SYT16: variants seen among roughly 807,000 people sequenced by gnomAD.
SYT16 encodes the protein synaptotagmin 16.
A neutral mutation model predicts 61.4 loss-of-function variants in SYT16; 42 were observed. The ratio of observed to expected loss-of-function variants is 0.68; its 90% CI spans 0.53 to 0.89. The LOEUF is 0.89. Ranked by LOEUF, SYT16 falls within the 40% of genes least tolerant of loss-of-function variation. The probability of loss-of-function intolerance (pLI) is 0.00; values close to 1 mark genes in which losing one functional copy is unlikely to be tolerated. For synonymous variants in SYT16, 314 were observed against 302.3 expected, an observed-to-expected ratio of 1.04 and a Z score of -0.40; for missense variants, 804 against 807.3, an observed-to-expected ratio of 1.00 and a Z score of 0.05.
At chr14:62,060,756 A>G (rs2055791761) in intron 3 of SYT16, among the ~76,000 whole-genome samples, 2 of 151,980 alleles carry the variant, frequency 1.3e-5, no homozygotes, top group Non-Finnish European at 2.9e-5. Flanking sequence ...GACTATAATC[A>G]TAAGAGATAT....
At chr14:62,009,016 T>A (rs528067010) in intron 3 of SYT16, among the ~76,000 whole-genome samples, 3 of 152,288 alleles carry the variant, frequency 2.0e-5, no homozygotes, top group African/African-American at 7.2e-5. Flanking sequence ...AAGTAGGTAG[T>A]TTCTTTCCTG....
chr14:62,087,303 A>C (rs1404864922), intron 7 of SYT16, among the ~76,000 whole-genome samples: 1 of 152,082 alleles, frequency 6.6e-6, no homozygotes, highest in Admixed American at 6.5e-5. Flanking sequence ...GCCGCATGCC[A>C]AGTGCACCGC....
intron 2 of SYT16, among the ~76,000 whole-genome samples, chr14:61,973,142 A>G (rs2051633683): frequency 1.3e-5 from 2 of 152,248 alleles, no homozygotes; most frequent in South Asian, 4.1e-4. Flanking sequence ...GTAACATCAG[A>G]GAGGCAAGAG....
chr14:62,079,433 C>A, intron 5 of SYT16: 1 of 888,486 alleles, frequency 1.1e-6, no homozygotes, highest in Non-Finnish European at 1.5e-6. Flanking sequence ...CAGAAGGTAC[C>A]ATCTCCATTT....
chr14:62,059,516 A>T (rs1263277885), intron 3 of SYT16, among the ~76,000 whole-genome samples: 1 of 151,794 alleles, frequency 6.6e-6, no homozygotes, highest in Non-Finnish European at 1.5e-5. Flanking sequence ...TTTAATTTTG[A>T]TGGAGTCCAA....
chr14:61,944,544 C>T (rs1008568607), intron 1 of SYT16, among the ~76,000 whole-genome samples: 9 of 152,122 alleles, frequency 5.9e-5, no homozygotes, highest in African/African-American at 1.9e-4. Context: ...AGATATAGAC[C>T]AATGGAACAG....
At chr14:61,932,194 T>C (rs1182133080) in intron 1 of SYT16, among the ~76,000 whole-genome samples, 1 of 152,174 alleles carries the variant, frequency 6.6e-6, no homozygotes, top group Non-Finnish European at 1.5e-5. Flanking sequence ...CTGGTACCAT[T>C]GCTCCTCAGA....
intron 1 of SYT16, among the ~76,000 whole-genome samples, chr14:61,963,197 G>A (rs1038071359): frequency 8.5e-5 from 13 of 152,088 alleles, no homozygotes; most frequent in Admixed American, 8.5e-4. Flanking sequence ...GAGTATTTAA[G>A]TGAAAGCAAG....
intron 1 of SYT16, among the ~76,000 whole-genome samples, chr14:61,935,153 A>C (rs1436721027): frequency 6.6e-6 from 1 of 151,910 alleles, no homozygotes; most frequent in Non-Finnish European, 1.5e-5. Context: ...ACTACTTTCC[A>C]TTGCAGGCAG....
At chr14:61,880,256 A>G (rs1490864110) in intron 1 of SYT16, among the ~76,000 whole-genome samples, 1 of 152,188 alleles carries the variant, frequency 6.6e-6, no homozygotes, top group African/African-American at 2.4e-5. Flanking sequence ...GACAAATTAT[A>G]TAGTCTTAAT....
chr14:61,882,651 T>C (rs2047742646), intron 1 of SYT16, among the ~76,000 whole-genome samples: 1 of 152,144 alleles, frequency 6.6e-6, no homozygotes, highest in African/African-American at 2.4e-5. Context: ...GATCATGCCT[T>C]TCTAACTGTT....
At chr14:62,014,345 A>G (rs12891086) in intron 3 of SYT16, among the ~76,000 whole-genome samples, 68,867 of 151,812 alleles carry the variant, frequency 0.45, 16,076 homozygotes, top group East Asian at 0.71. Flanking sequence ...CACCTTGCCT[A>G]TATTTTGTTC....
chr14:62,050,957 C>T (rs929570279), intron 3 of SYT16, among the ~76,000 whole-genome samples: 2 of 152,210 alleles, frequency 1.3e-5, no homozygotes, highest in South Asian at 2.1e-4. Flanking sequence ...GTTCTCAGAT[C>T]TCAAGCTGCG....
intron 5 of SYT16, among the ~76,000 whole-genome samples, chr14:62,078,707 T>C (rs965735518): frequency 1.3e-5 from 2 of 152,330 alleles, no homozygotes; most frequent in South Asian, 4.1e-4. Context: ...CTGTATGAAC[T>C]GATAGGACAA....
rs115850357 is a variant in SYT16 at position 62,074,768 on chromosome 14, G to A, written c.737-367G>A. ...AGAGGAAAGGAAGCATGGTAGAGTCGGGAGACCATACGATCTCCATATTAG... is the reference window on the plus strand; with the variant it reads ...AGAGGAAAGGAAGCATGGTAGAGTCAGGAGACCATACGATCTCCATATTAG... On this transcript the variant is annotated intron_variant, in intron 4 of 7. Coordinates refer to ENST00000683842, the MANE Select transcript of SYT16 (RefSeq NM_001367656.1). 1.2e-3 allele frequency among the ~76,000 whole-genome samples: 190 copies of A among 152,170 alleles called. 1 individual carries two copies. The highest frequency in any genetic ancestry group is 4.4e-3 in the African/African-American group (183 of 41,504).
intron 1 of SYT16, among the ~76,000 whole-genome samples, chr14:61,914,361 A>T (rs184012950): frequency 6.6e-6 from 1 of 152,152 alleles, no homozygotes; most frequent in Admixed American, 6.5e-5. Context: ...TGCTGTCTAT[A>T]TGAAGGGATC....
chr14:61,944,201 G>A lies in SYT16; in HGVS notation c.-324-25931G>A, dbSNP rs146664666. Among the ~76,000 whole-genome samples the A allele has an allele frequency of 3.7e-3, 565 of 152,282 alleles. 4 individuals carry two copies. The highest frequency in any genetic ancestry group is 7.0e-3 in the Non-Finnish European group (478 of 68,024). On this transcript the variant is annotated intron_variant, in intron 1 of 7. Coordinates refer to ENST00000683842, the MANE Select transcript of SYT16 (RefSeq NM_001367656.1). ...GGGGTGTGAAAGACCTCTTCAAGGA[G>A]CACTACAAACCACTGCTCAAGGAAA...
At chr14:62,018,781 C>T (rs1207522931) in intron 3 of SYT16, among the ~76,000 whole-genome samples, 3 of 152,152 alleles carry the variant, frequency 2.0e-5, no homozygotes, top group African/African-American at 7.2e-5. Context: ...AACGGTACCT[C>T]CCTCCACTCT....
intron 3 of SYT16, among the ~76,000 whole-genome samples, chr14:62,055,644 T>C (rs527771281): frequency 6.6e-6 from 1 of 152,294 alleles, no homozygotes; most frequent in African/African-American, 2.4e-5. Flanking sequence ...GCCCTTGATA[T>C]AGGGTGGATC....
Sources: gnomAD v4.1 joint callset for allele counts (sites outside exome capture counted in the v4.1 genomes callset) on GRCh38, gnomAD v4.1.1 for gene constraint, MANE v1.5 for transcripts, NCBI Gene and HGNC (gene_info 2026-07-23, HGNC 2026-07-21) for gene names.